SLIT3: variants seen among roughly 807,000 people sequenced by gnomAD.
SLIT3 encodes slit homolog 3 protein.
SLIT3 carries 68 observed loss-of-function variants against 184.0 expected under a neutral mutation model. That is an observed-to-expected ratio of 0.37 (90% CI 0.30 to 0.45). The LOEUF is 0.45. Among genes scored for constraint, SLIT3 ranks in the 20% least tolerant of loss-of-function variants. The pLI, the probability that SLIT3 is intolerant of heterozygous loss-of-function variation, is 1.00. For missense variants in SLIT3, 1,707 were observed against 2,026.0 expected, an observed-to-expected ratio of 0.84 and a Z score of 3.02; for synonymous variants, 831 against 828.6, an observed-to-expected ratio of 1.00 and a Z score of -0.05.
At chr5:169,227,007 C>T (rs1195013236) in intron 3 of SLIT3, among the ~76,000 whole-genome samples, 3 of 152,188 alleles carry the variant, frequency 2.0e-5, no homozygotes, top group African/African-American at 7.2e-5. Flanking sequence ...CACTAAAGCC[C>T]CCACACTGTG....
chr5:168,928,618 G>A (rs1761900078), intron 4 of SLIT3, among the ~76,000 whole-genome samples: 1 of 152,094 alleles, frequency 6.6e-6, no homozygotes, highest in Non-Finnish European at 1.5e-5. Flanking sequence ...TCTAGAAGGA[G>A]GAAATACCAA....
chr5:169,056,564 C>T (rs1247891341), intron 4 of SLIT3, among the ~76,000 whole-genome samples: 11 of 151,724 alleles, frequency 7.3e-5, no homozygotes, highest in Non-Finnish European at 1.3e-4. Flanking sequence ...GATCGTTGGC[C>T]ACCTTCCAGA....
At chr5:168,762,849 G>C (rs752833613) in intron 14 of SLIT3, among the ~76,000 whole-genome samples, 160 bp from the exon 15 acceptor site, 9 of 152,130 alleles carry the variant, frequency 5.9e-5, no homozygotes, top group Non-Finnish European at 1.0e-4. Flanking sequence ...TGGCCACCTT[G>C]CTGGTGCCTT....
At chr5:168,672,955 G>A (rs1582513354) in intron 33 of SLIT3, among the ~76,000 whole-genome samples, 1 of 152,176 alleles carries the variant, frequency 6.6e-6, no homozygotes. Flanking sequence ...CCGTCACAAC[G>A]TGTAGTTTCC....
chr5:168,745,967 T>G (rs1293895561), intron 20 of SLIT3, among the ~76,000 whole-genome samples: 2 of 152,198 alleles, frequency 1.3e-5, no homozygotes, highest in African/African-American at 2.4e-5. Flanking sequence ...TCATTAGCAT[T>G]TTTTAGCAAT....
Position 168,665,854 on chromosome 5 carries a change from T to TTCCTGGAAGAACTGGGCA in SLIT3, c.*582_*599dup, listed in dbSNP as rs1433545014. 7.9e-5 allele frequency: 12 copies of TTCCTGGAAGAACTGGGCA among 152,232 alleles called. No individual in the cohort carries two copies. The allele number at this position is 152,232 out of a possible 1,614,324, so 9.4% of individuals were successfully genotyped here. A position where few individuals can be genotyped will look rare whatever the true frequency, so the allele number is the denominator to read the frequency against. On this transcript the variant is annotated 3_prime_UTR_variant, in exon 36 of 36. Transcript: ENST00000519560. Reference sequence around the variant, plus strand: ...TGAGAAGGCCAGGGCTCAGCAGCTTTTCCTGGAAGAACTGGGCATTTTGGG... The same window carrying TTCCTGGAAGAACTGGGCA: ...TGAGAAGGCCAGGGCTCAGCAGCTTTTCCTGGAAGAACTGGGCATCCTGGAAGAACTGGGCATTTTGGG...
chr5:169,030,922 A>C (rs1179558601), intron 4 of SLIT3, among the ~76,000 whole-genome samples: 1 of 152,148 alleles, frequency 6.6e-6, no homozygotes, highest in Non-Finnish European at 1.5e-5. Flanking sequence ...TGTGGTTTTA[A>C]AATTGTGACC....
At chr5:168,722,193 T>G in intron 23 of SLIT3, 63 bp downstream of exon 23, 1 of 1,448,996 alleles carries the variant, frequency 6.9e-7, no homozygotes. Context: ...GGGGAGTGCT[T>G]AGTCTGCTTC....
intron 20 of SLIT3, among the ~76,000 whole-genome samples, chr5:168,741,609 A>C (rs918569581): frequency 6.6e-6 from 1 of 152,084 alleles, no homozygotes; most frequent in African/African-American, 2.4e-5. Context: ...GCTCTCAGGG[A>C]GCTCTTGGTC....
chr5:168,950,879 T>C (rs903576489), intron 4 of SLIT3, among the ~76,000 whole-genome samples: 1 of 152,204 alleles, frequency 6.6e-6, no homozygotes, highest in African/African-American at 2.4e-5. Context: ...TCGGATTCCA[T>C]AAGTTGCATA....
chr5:168,759,044 G>A (rs1755048272), intron 16 of SLIT3, among the ~76,000 whole-genome samples: 2 of 152,156 alleles, frequency 1.3e-5, no homozygotes, highest in Admixed American at 6.5e-5. Context: ...AGTGAATTTC[G>A]TGTTTAGACT....
intron 5 of SLIT3, among the ~76,000 whole-genome samples, chr5:168,878,762 G>A (rs6896995): frequency 1.3e-5 from 2 of 150,428 alleles, no homozygotes; most frequent in African/African-American, 2.4e-5. Flanking sequence ...TCTCCCAGGC[G>A]GGAGTGCAAT....
chr5:169,017,596 T>C (rs1756436639), intron 4 of SLIT3, among the ~76,000 whole-genome samples: 1 of 152,164 alleles, frequency 6.6e-6, no homozygotes, highest in African/African-American at 2.4e-5. Context: ...AGCCAGCTCC[T>C]TTGAGTCAAC....
intron 4 of SLIT3, among the ~76,000 whole-genome samples, chr5:168,916,875 T>C (rs955177874): frequency 2.0e-5 from 3 of 152,160 alleles, no homozygotes; most frequent in African/African-American, 7.2e-5. Context: ...TACAGGTAGA[T>C]TGACTCGGGG....
chr5:169,045,428 GA>G (rs5873145), intron 4 of SLIT3, among the ~76,000 whole-genome samples: 3,702 of 123,590 alleles, frequency 0.03, 39 homozygotes, highest in African/African-American at 0.045. Flanking sequence ...GTCCATGCAG[GA>G]AAAAAAAAAA....
intron 5 of SLIT3, among the ~76,000 whole-genome samples, chr5:168,847,053 A>G (rs1581141193): frequency 6.6e-6 from 1 of 152,350 alleles, no homozygotes; most frequent in African/African-American, 2.4e-5. Flanking sequence ...GGTGGGGACA[A>G]GAGTCTTTGA....
intron 6 of SLIT3, among the ~76,000 whole-genome samples, chr5:168,842,155 G>C (rs1328476954): frequency 1.3e-5 from 2 of 152,176 alleles, no homozygotes; most frequent in African/African-American, 4.8e-5. Context: ...GGAGATGTCA[G>C]CTCCAGCCAA....
chr5:168,804,330 A>AAAAAAAAAAAC (rs1756883147), intron 9 of SLIT3, among the ~76,000 whole-genome samples: 1 of 129,122 alleles, frequency 7.7e-6, no homozygotes, highest in Non-Finnish European at 1.7e-5. Flanking sequence ...AAAAAAAAAA[A>AAAAAAAAAAAC]AAAAAAAAAG....
At chr5:168,770,270 C>T (rs971993922) in intron 14 of SLIT3, among the ~76,000 whole-genome samples, 8 of 152,308 alleles carry the variant, frequency 5.3e-5, no homozygotes, top group South Asian at 2.1e-4. Context: ...GGAAACCAGA[C>T]GCCCTGCCTA....
Sources: allele counts gnomAD v4.1 joint callset (sites outside exome capture counted in the v4.1 genomes callset), GRCh38; gene constraint gnomAD v4.1.1; transcripts MANE v1.5; gene names NCBI Gene and HGNC (gene_info 2026-07-23, HGNC 2026-07-21).